ATN1: variants seen among roughly 807,000 people sequenced by gnomAD.
ATN1 encodes the protein atrophin-1.
In ATN1, 19 loss-of-function variants were observed where a neutral mutation model predicts 85.8. That is an observed-to-expected ratio of 0.22 (90% CI 0.15 to 0.32). ATN1 has a LOEUF of 0.32. ATN1 is among the 10% of genes least tolerant of loss of function. ATN1 has a pLI of 1.00. For missense variants in ATN1, 1,453 were observed against 1,564.5 expected, an observed-to-expected ratio of 0.93 and a Z score of 1.20; for synonymous variants, 674 against 657.0, an observed-to-expected ratio of 1.03 and a Z score of -0.39.
Position 6,936,857 on chromosome 12 carries a change from C to T in ATN1, c.1590C>T (p.Tyr530=), listed in dbSNP as rs140073846. Residue 530 remains tyrosine (Y), a synonymous_variant, in exon 5 of 10, where the codon TAC becomes TAT. Transcript: ENST00000396684. ...EGGSSHHAHP[Y]AMSPSLGSLR... ...GTAGCTCCCACCACGCACACCCTTA[C>T]GCCATGTCTCCCTCCCTGGGGTCTC... The T allele has an allele frequency of 1.2e-5, 20 of 1,613,944 alleles. No individual in the cohort carries two copies. The highest frequency in any genetic ancestry group is 1.2e-4 in the African/African-American group (9 of 74,870).
chr12:6,937,616 G>A lies in ATN1; in HGVS notation c.2294+55G>A. On this transcript the variant is annotated intron_variant, in intron 5 of 9. Transcript: ENST00000396684. This position sits in a 1 kb window ranked among gnomAD's most constrained non-coding sequence, Gnocchi z 6.0. ...CTGGAAAGGGGACGACGACAAGGCG[G>A]CGACGAGAGAGGGAGTAGCAGGGAG... 2 of 1,449,986 alleles carry A rather than the reference G, an allele frequency of 1.4e-6. No homozygotes were observed. The highest frequency in any genetic ancestry group is 9.1e-7 in the Non-Finnish European group (1 of 1,102,370). 89.8% of individuals were successfully genotyped at this position (1,449,986 alleles called of 1,614,324 possible).
intron 1 of ATN1, among the ~76,000 whole-genome samples, chr12:6,933,520 G>A (rs782801614): frequency 5.3e-5 from 8 of 152,186 alleles, no homozygotes; most frequent in African/African-American, 7.2e-5. Flanking sequence ...GTAAGGCTCC[G>A]TGGAATGTGT....
chr12:6,925,482 A>C (rs1466365789), upstream of ATN1, among the ~76,000 whole-genome samples: 1 of 152,054 alleles, frequency 6.6e-6, no homozygotes, highest in African/African-American at 2.4e-5. Flanking sequence ...GGGGAGGAGC[A>C]GCAGCTACCC....
chr12:6,938,553 G>A lies in ATN1; in HGVS notation c.2590G>A (p.Glu864Lys). ...LGPVPHRPPF[E>K]PGSAVATVPP... ...CCCAGTGCCCCATCGCCCTCCATTT[G>A]AACCGGGCAGTGCGGTGGCTACAGT... is the stretch of plus-strand genomic sequence containing the variant. Residue 864 changes from glutamate (E) to lysine (K), a missense_variant, in exon 7 of 10, where the codon GAA (glutamate) becomes AAA (lysine). Physicochemically the swap from Glu to Lys is moderately conservative, Grantham distance 56. Around this residue, in one of 6 missense-constraint regions of ATN1, gnomAD observed 208 missense variants for 263.4 expected, o/e 0.79. Transcript: ENST00000396684. 1 of 1,614,190 alleles carries A rather than the reference G, an allele frequency of 6.2e-7. No homozygotes were observed. The highest frequency in any genetic ancestry group is 8.5e-7 in the Non-Finnish European group (1 of 1,180,002).
upstream of ATN1, among the ~76,000 whole-genome samples, chr12:6,927,009 C>A (rs1172057561): frequency 6.6e-6 from 1 of 151,864 alleles, no homozygotes; most frequent in Non-Finnish European, 1.5e-5. Context: ...ACCTATTTTC[C>A]CTAGAATTGG....
At position 6,936,648 on chromosome 12, in the gene ATN1, C is replaced by A; in HGVS notation, c.1381C>A (p.Pro461Thr). The A allele has an allele frequency of 3.1e-6, 5 of 1,613,254 alleles. No individual in the cohort carries two copies. Among genetic ancestry groups the A allele is most frequent in the Non-Finnish European group, 4.2e-6 (5 of 1,179,600 alleles). Residue 461 changes from proline (P) to threonine (T), a missense_variant, in exon 5 of 10, where the codon CCC (proline) becomes ACC (threonine). Physicochemically the swap from Pro to Thr is conservative, Grantham distance 38. Around this residue, in one of 6 missense-constraint regions of ATN1, gnomAD observed 990 missense variants for 914.8 expected, o/e 1.08. Transcript: ENST00000396684. ...AGCCAACAGCAATGCCCATCCAGGC[C>A]CCTTCCCTCCCTCTACTGGGGCCCA... ...LLANSNAHPG[P>T]FPPSTGAQST...
Position 6,941,253 on chromosome 12 carries a change from G to C in ATN1, c.3359-121G>C. ...CCTACCACTGGCAACTTACAGAACT[G>C]GGTGTGTTACCTCACTTTTTAGTTC... On this transcript the variant is annotated intron_variant, in intron 8 of 9. Coordinates refer to ENST00000396684, the MANE Select transcript of ATN1 (RefSeq NM_001940.4). The surrounding 1 kb of genome is among the most constrained non-coding windows in gnomAD (Gnocchi z 5.9). 2.3e-6 allele frequency: 3 copies of C among 1,313,888 alleles called. No individual in the cohort carries two copies. Among genetic ancestry groups the C allele is most frequent in the Non-Finnish European group, 2.1e-6 (2 of 957,892 alleles). 81.4% of individuals were successfully genotyped at this position (1,313,888 alleles called of 1,614,324 possible).
chr12:6,937,718 CA>C lies in ATN1; in HGVS notation c.2295-126del, dbSNP rs1303077268. The C allele has an allele frequency of 4.8e-5, 69 of 1,445,694 alleles. No homozygotes were observed. In the African/African-American group the frequency reaches 9.6e-4, roughly 20 times the overall value. 89.6% of individuals were successfully genotyped at this position (1,445,694 alleles called of 1,614,324 possible). On this transcript the variant is annotated intron_variant, in intron 5 of 9. Coordinates refer to ENST00000396684, the MANE Select transcript of ATN1 (RefSeq NM_001940.4). This position sits in a 1 kb window ranked among gnomAD's most constrained non-coding sequence, Gnocchi z 6.0. ...CAGGCCTAGTGGCCAGTGAGGCCCG[CA>C]GCAGCTCACAGCCTGCAGGGGTGGT...
In ATN1 at chr12:6,934,129, G is replaced by A. The variant is rs146545350; in HGVS notation, c.28-47G>A. The A allele has an allele frequency of 9.6e-4, 1,553 of 1,614,006 alleles. 18 individuals are homozygous for A. In the South Asian group the frequency reaches 0.012, roughly 12 times the overall value. On this transcript the variant is annotated intron_variant, in intron 2 of 9. Coordinates refer to ENST00000396684, the MANE Select transcript of ATN1 (RefSeq NM_001940.4). The surrounding 1 kb of genome is among the most constrained non-coding windows in gnomAD (Gnocchi z 4.5). Reference sequence around the variant, plus strand: ...CAAATAATGTGCACCATAAAGTTAGGTGCAATGTAAAGAACAGTGTTACCT... The same window carrying A: ...CAAATAATGTGCACCATAAAGTTAGATGCAATGTAAAGAACAGTGTTACCT...
At position 6,938,589 on chromosome 12, in the gene ATN1, C is replaced by T. The variant is rs1555144232; in HGVS notation, c.2626C>T (p.Leu876=). The change falls in exon 7 of 10, where the codon CTG becomes TTG. Residue 876 remains leucine, a synonymous_variant. Coordinates refer to ENST00000396684, the MANE Select transcript of ATN1 (RefSeq NM_001940.4). ...GSAVATVPPY[L]GPDTPALRTL... is the part of the protein sequence containing the mutation. The stretch of plus-strand genomic sequence containing the variant: ...TGCGGTGGCTACAGTGCCCCCCTAC[C>T]TGGGTCCTGACACTCCAGCCTTGCG... 1 of 1,614,260 alleles carries T rather than the reference C, an allele frequency of 6.2e-7. No homozygotes were observed. Among genetic ancestry groups the T allele is most frequent in the Non-Finnish European group, 8.5e-7 (1 of 1,180,040 alleles).
At position 6,934,318 on chromosome 12, in the gene ATN1, T is replaced by C; in HGVS notation, c.165+5T>C. 6.4e-7 allele frequency: 1 copy of C among 1,569,012 alleles called. No homozygotes were observed. The highest frequency in any genetic ancestry group is 8.6e-7 in the Non-Finnish European group (1 of 1,162,878). On this transcript the variant is annotated splice_donor_5th_base_variant and intron_variant, in intron 3 of 9. Transcript: ENST00000396684. The surrounding 1 kb of genome is among the most constrained non-coding windows in gnomAD (Gnocchi z 4.5). ...AAGTCCAGGCAGACAGCCAAGGTAT[T>C]CTGTCCTCAGGTCCTCCCACAGGAT...
chr12:6,934,348 A>C lies in ATN1; in HGVS notation c.165+35A>C, dbSNP rs774110477. On this transcript the variant is annotated intron_variant, in intron 3 of 9. Transcript: ENST00000396684. The surrounding 1 kb of genome is among the most constrained non-coding windows in gnomAD (Gnocchi z 4.5). ...CCTCAGGTCCTCCCACAGGATGCCC[A>C]AGGCACTGGGGCTGAGGGTGTGTGT... 3 of 1,576,576 alleles carry C rather than the reference A, an allele frequency of 1.9e-6. No individual in the cohort carries two copies. Among genetic ancestry groups the C allele is most frequent in the Non-Finnish European group, 2.6e-6 (3 of 1,164,188 alleles).
In ATN1 at chr12:6,935,870, C is replaced by T. The variant is rs371645176; in HGVS notation, c.603C>T (p.Pro201=). The change falls in exon 5 of 10, where the codon CCC becomes CCT. Residue 201 remains proline (P), a synonymous_variant. Coordinates refer to ENST00000396684, the MANE Select transcript of ATN1 (RefSeq NM_001940.4). The surrounding 1 kb of genome is among the most constrained non-coding windows in gnomAD (Gnocchi z 5.3). ...PTGYHAPMEP[P]TSRMFQAPPG... is the part of the protein sequence containing the mutation. The stretch of plus-strand genomic sequence containing the variant: ...GATATCATGCTCCCATGGAGCCCCC[C>T]ACATCTCGAATGTTCCAGGCTCCTC... 6.2e-7 allele frequency: 1 copy of T among 1,613,832 alleles called. No homozygotes were observed. Among genetic ancestry groups the T allele is most frequent in the Admixed American group, 1.7e-5 (1 of 59,994 alleles).
In ATN1 at chr12:6,934,476, A is replaced by G; in HGVS notation, c.177A>G (p.Val59=). Residue 59 remains valine (V), a synonymous_variant, in exon 4 of 10, where the codon GTA becomes GTG. Transcript: ENST00000396684. This position sits in a 1 kb window ranked among gnomAD's most constrained non-coding sequence, Gnocchi z 4.5. ...KSRQTAKKAR[V]EEASTPKVNK... is the part of the protein sequence containing the mutation. ...TTTCTCTCTAACAGAAGGCCCGAGT[A>G]GAGGAAGCCTCCACCCCAAAGGTCA... 6.3e-7 allele frequency: 1 copy of G among 1,592,762 alleles called. No homozygotes were observed. The highest frequency in any genetic ancestry group is 2.3e-5 in the East Asian group (1 of 43,420).
rs1555144093 is a variant in ATN1, at chr12:6,937,946, T to C, written c.2396T>C (p.Leu799Pro). ...AAGCTGGCCAAGAAGCGGGCCGACC[T>C]GGTGGAGAAGGTGCGGCGCGAGGCC... is the stretch of plus-strand genomic sequence containing the variant. ...GSKLAKKRADLVEKVRREAEQ... is the reference protein window; with the variant it reads ...GSKLAKKRADPVEKVRREAEQ... The change falls in exon 6 of 10, where the codon CTG becomes CCG. Residue 799 changes from leucine to proline, a missense_variant. Leu to Pro is a moderately conservative substitution (Grantham distance 98, BLOSUM62 -3). Around this residue, in one of 6 missense-constraint regions of ATN1, gnomAD observed 990 missense variants for 914.8 expected, o/e 1.08. Coordinates refer to ENST00000396684, the MANE Select transcript of ATN1 (RefSeq NM_001940.4). The surrounding 1 kb of genome is among the most constrained non-coding windows in gnomAD (Gnocchi z 6.0). 6 of 1,584,474 alleles carry C rather than the reference T, an allele frequency of 3.8e-6. No homozygotes were observed. Among genetic ancestry groups the C allele is most frequent in the Non-Finnish European group, 4.3e-6 (5 of 1,166,214 alleles).
chr12:6,937,504 GC>G lies in ATN1; in HGVS notation c.2241del (p.Ser748ArgfsTer7). 6.5e-7 allele frequency: 1 copy of G among 1,542,374 alleles called. No homozygotes were observed. On this transcript the variant is annotated frameshift_variant, in exon 5 of 10. Transcript: ENST00000396684. LOFTEE classifies it high-confidence loss of function. This position sits in a 1 kb window ranked among gnomAD's most constrained non-coding sequence, Gnocchi z 6.0. Reference protein sequence around the residue: ...TPESPVPPARSPSPPPKVVDV... With the variant: ...TPESPVPPARXPSPPPKVVDV... Reference sequence around the variant, plus strand: ...GAGAGCCCGGTGCCCCCAGCCCGCAGCCCCTCGCCCCCTCCCAAGGTGGTAG... The same window carrying G: ...GAGAGCCCGGTGCCCCCAGCCCGCAGCCCTCGCCCCCTCCCAAGGTGGTAG...
chr12:6,936,499 C>G lies in ATN1; in HGVS notation c.1232C>G (p.Ser411Cys). ...ASQALPSYPH[S>C]FPPPTSLSVS... ...CAGGCATTGCCCAGCTACCCCCACT[C>G]TTTCCCTCCCCCAACAAGCCTCTCT... Residue 411 changes from serine to cysteine, a missense_variant, in exon 5 of 10, where the codon TCT becomes TGT. Transcript: ENST00000396684. The G allele has an allele frequency of 6.3e-7, 1 of 1,598,700 alleles. No individual in the cohort carries two copies. The highest frequency in any genetic ancestry group is 8.5e-7 in the Non-Finnish European group (1 of 1,174,744).
intron 1 of ATN1, among the ~76,000 whole-genome samples, chr12:6,930,994 G>A (rs782706585): frequency 6.6e-5 from 10 of 152,082 alleles, no homozygotes; most frequent in African/African-American, 1.9e-4. Flanking sequence ...TCCTTTCCTC[G>A]TCTGCCACTC....
Position 6,938,041 on chromosome 12 carries a change from A to G in ATN1, c.2491A>G (p.Lys831Glu). 2 of 1,546,038 alleles carry G rather than the reference A, an allele frequency of 1.3e-6. No individual in the cohort carries two copies. The highest frequency in any genetic ancestry group is 1.2e-5 in the South Asian group (1 of 83,886). Residue 831 changes from lysine (K) to glutamate (E), a missense_variant, in exon 6 of 10, where the codon AAG (lysine) becomes GAG (glutamate). By Grantham distance (56) the Lys-to-Glu change is moderately conservative. Coordinates refer to ENST00000396684, the MANE Select transcript of ATN1 (RefSeq NM_001940.4). Reference sequence around the variant, plus strand: ...ACGCGAGAAAGAGCGCGAGCGCGAGAAGGAGCGCGAGCTTGAACGCAGCGT... The same window carrying G: ...ACGCGAGAAAGAGCGCGAGCGCGAGGAGGAGCGCGAGCTTGAACGCAGCGT... ...REREKERERE[K>E]ERELERSVKL... is the part of the protein sequence containing the mutation.
Sources: allele counts gnomAD v4.1 joint callset (sites outside exome capture counted in the v4.1 genomes callset), GRCh38; gene constraint gnomAD v4.1.1; regional missense constraint gnomAD v4.1.1; non-coding constraint Gnocchi (gnomAD v3.1); transcripts MANE v1.5; gene names NCBI Gene and HGNC (gene_info 2026-07-23, HGNC 2026-07-21).